PNKP: variants seen among roughly 807,000 people sequenced by gnomAD.
PNKP encodes the protein polynucleotide kinase 3'-phosphatase.
A neutral mutation model predicts 66.2 loss-of-function variants in PNKP; 82 were observed. That is an observed-to-expected ratio of 1.24 (90% CI 1.04 to 1.49). PNKP has a LOEUF of 1.49. Ranked by LOEUF, PNKP falls within the 40% of genes most tolerant of loss-of-function variation. The pLI, the probability that PNKP is intolerant of heterozygous loss-of-function variation, is 0.00. For missense variants in PNKP, 907 were observed against 706.8 expected (o/e 1.28, Z -3.21); for synonymous variants, 412 against 298.9 (o/e 1.38, Z -3.90).
rs756320620 is a variant in PNKP, at chr19:49,861,243, G to A, written c.*5C>T. 3 of 1,555,096 alleles carry A rather than the reference G, an allele frequency of 1.9e-6. No individual in the cohort carries two copies. Among genetic ancestry groups the A allele is most frequent in the Non-Finnish European group, 2.7e-6 (3 of 1,126,566 alleles). On this transcript the variant is annotated 3_prime_UTR_variant, in exon 17 of 17. Transcript: ENST00000322344. Reference sequence around the variant, plus strand: ...CGTTTATTGTGGAGGGGAGCTGGGCGGGGCTCAGCCCTCGGAGAACTGGCA... The same window carrying A: ...CGTTTATTGTGGAGGGGAGCTGGGCAGGGCTCAGCCCTCGGAGAACTGGCA...
rs551307620 is a variant in PNKP, at chr19:49,862,339, TCCCCACCCCCAC to T, written c.1029+20_1029+31del. 1.0e-5 allele frequency: 10 copies of T among 954,094 alleles called. No homozygotes were observed. Among genetic ancestry groups the T allele is most frequent in the Non-Finnish European group, 1.6e-5 (10 of 641,868 alleles). The allele number at this position is 954,094 out of a possible 1,614,324, so 59.1% of individuals were successfully genotyped here. A position where few individuals can be genotyped will look rare whatever the true frequency, so the allele number is the denominator to read the frequency against. On this transcript the variant is annotated intron_variant, in intron 11 of 16. Transcript: ENST00000322344. ...GTCCCCATCCCCGGGAGCCCTCCCA[TCCCCACCCCCAC>T]CCCCGCCCCAGGGCCTCACCGGATC...
chr19:49,865,434 A>C lies in PNKP; in HGVS notation c.199-8T>G. 1.3e-6 allele frequency: 2 copies of C among 1,592,782 alleles called. No homozygotes were observed. Among genetic ancestry groups the C allele is most frequent in the Non-Finnish European group, 1.7e-6 (2 of 1,168,848 alleles). ...TGAGGGGTTAACTCCCAGCTGCAGA[A>C]AGAGAGGGAGGAGCTGGGACTGGCT... On this transcript the variant is annotated splice_polypyrimidine_tract_variant and splice_region_variant and intron_variant, in intron 3 of 16. Transcript: ENST00000322344.
chr19:49,862,305 T>C, intron 11 of PNKP, 24 bp from the exon 12 acceptor site: 1 of 1,550,848 alleles, frequency 6.4e-7, no homozygotes, highest in Non-Finnish European at 8.7e-7. Context: ...GGGACACGCG[T>C]GAGATGCCGT....
At chr19:49,865,601 C>CTTT (rs749242089) in intron 3 of PNKP, 175 bp from the exon 4 acceptor site, 150 of 317,872 alleles carry the variant, frequency 4.7e-4, no homozygotes, top group Middle Eastern at 8.5e-4. Context: ...TTGTCCGAAT[C>CTTT]TTTTTTTTTT....
rs764379536 is a variant in PNKP at position 49,861,778 on chromosome 19, CGGCTCGCGGCGTCT to C, written c.1278_1291del (p.Asp427ArgfsTer62). On this transcript the variant is annotated frameshift_variant, in exon 14 of 17. Transcript: ENST00000322344. LOFTEE classifies it high-confidence loss of function. ...GGCCCCGCGGTCACGCTACCTGGCG[CGGCTCGCGGCGTCT>C]GGGTTTGTGTTGTCGATGGCGACCC... 3.2e-6 allele frequency: 5 copies of C among 1,562,458 alleles called. No individual in the cohort carries two copies. The highest frequency in any genetic ancestry group is 4.3e-6 in the Non-Finnish European group (5 of 1,156,236).
rs755267515 is a variant in PNKP, at chr19:49,862,479, G to T, written c.937-16C>A. ...TGAGGGCAAACTAGGGGTTGAGGAC[G>T]AACATCAGACACAGGCCAGGGTCGG... On this transcript the variant is annotated splice_polypyrimidine_tract_variant and intron_variant, in intron 10 of 16. Transcript: ENST00000322344. The T allele has an allele frequency of 6.3e-7, 1 of 1,594,288 alleles. No homozygotes were observed. Among genetic ancestry groups the T allele is most frequent in the Non-Finnish European group, 8.5e-7 (1 of 1,170,166 alleles).
In PNKP at chr19:49,863,998, T is replaced by C; in HGVS notation, c.710A>G (p.Glu237Gly). The C allele has an allele frequency of 6.2e-7, 1 of 1,613,998 alleles. No homozygotes were observed. Among genetic ancestry groups the C allele is most frequent in the Non-Finnish European group, 8.5e-7 (1 of 1,179,960 alleles). The change falls in exon 7 of 17, where the codon GAG becomes GGG. Residue 237 changes from glutamate (E) to glycine (G), a missense_variant. Coordinates refer to ENST00000322344, the MANE Select transcript of PNKP (RefSeq NM_007254.4). ...LPAEEFKAKV[E>G]AVVEKLGVPF... ...GACCCCCAGCTTCTCCACCACAGCC[T>C]CCACCTTGGCCTTGAACTCCTCGGC... is the stretch of plus-strand genomic sequence containing the variant.
rs1060504641 is a variant in PNKP at position 49,861,834 on chromosome 19, G to A, written c.1236C>T (p.Ala412=). Residue 412 remains alanine, a synonymous_variant, in exon 14 of 17, where the codon GCC becomes GCT. Transcript: ENST00000322344. ...TGGCGACCCGTTTCCCTTGCTTCAGGGCTGTCTCACACGTGGTCACACAGC... is the reference window on the plus strand; with the variant it reads ...TGGCGACCCGTTTCCCTTGCTTCAGAGCTGTCTCACACGTGGTCACACAGC... ...WQRCVTTCET[A]LKQGKRVAID... is the part of the protein sequence containing the mutation. 5 of 1,591,978 alleles carry A rather than the reference G, an allele frequency of 3.1e-6. No homozygotes were observed. The highest frequency in any genetic ancestry group is 2.3e-5 in the South Asian group (2 of 88,760).
At position 49,867,554 on chromosome 19, in the gene PNKP, T is replaced by A. The variant is rs1600424200; in HGVS notation, c.-99A>T. ...CCGCCTGCAACCCGGCCGGCGGCGG[T>A]CGGTTCCTCGGCGGACGGAAATGAC... On this transcript the variant is annotated 5_prime_UTR_variant, in exon 1 of 17. Transcript: ENST00000322344. 1 of 235,644 alleles carries A rather than the reference T, an allele frequency of 4.2e-6. No individual in the cohort carries two copies. Among genetic ancestry groups the A allele is most frequent in the Non-Finnish European group, 7.9e-6 (1 of 126,880 alleles). 14.6% of individuals were successfully genotyped at this position (235,644 alleles called of 1,614,324 possible). A position where few individuals can be genotyped will look rare whatever the true frequency, so the allele number is the denominator to read the frequency against.
At position 49,862,235 on chromosome 19, in the gene PNKP, GCC is replaced by G; in HGVS notation, c.1074_1075del (p.Arg358SerfsTer52). On this transcript the variant is annotated frameshift_variant, in exon 12 of 17. Transcript: ENST00000322344. LOFTEE classifies it high-confidence loss of function. Reference sequence around the variant, plus strand: ...CACCTCCGGGCTGGCGCTCAGGAGGGCCCTGGACTCGGGGAGGCAGAGAGGCC... The same window carrying G: ...CACCTCCGGGCTGGCGCTCAGGAGGGCTGGACTCGGGGAGGCAGAGAGGCC... 5 of 1,611,904 alleles carry G rather than the reference GCC, an allele frequency of 3.1e-6. No individual in the cohort carries two copies. Among genetic ancestry groups the G allele is most frequent in the Non-Finnish European group, 4.2e-6 (5 of 1,179,112 alleles).
rs771239062 is a variant in PNKP, at chr19:49,862,607, G to A, written c.867C>T (p.Asp289=). The stretch of plus-strand genomic sequence containing the variant: ...CCCAGTTGGCCGGGCGTCCGGCTGC[G>A]TCTGGAACACACGGGACACCCCGTT... ...ISIGDSIFVG[D]AAGRPANWAP... Residue 289 remains aspartate (D), a splice_region_variant and synonymous_variant, in exon 10 of 17, where the codon GAC becomes GAT. Transcript: ENST00000322344. 13 of 1,613,720 alleles carry A rather than the reference G, an allele frequency of 8.1e-6. No individual in the cohort carries two copies. The highest frequency in any genetic ancestry group is 3.3e-5 in the Admixed American group (2 of 60,002).
chr19:49,866,329 A>T lies in PNKP; in HGVS notation c.198+70T>A, dbSNP rs561015576. 4.3e-6 allele frequency: 6 copies of T among 1,406,914 alleles called. No homozygotes were observed. The Admixed American group carries it at 8.4e-5, about 20-fold the overall frequency. 87.2% of individuals were successfully genotyped at this position (1,406,914 alleles called of 1,614,324 possible). A position where few individuals can be genotyped will look rare whatever the true frequency, so the allele number is the denominator to read the frequency against. On this transcript the variant is annotated intron_variant, in intron 3 of 16. Transcript: ENST00000322344. ...TCAGATTTTCCTAATGTACCCCTTCACTGACGGCTTGCAATTCCTCCCCAA... is the reference window on the plus strand; with the variant it reads ...TCAGATTTTCCTAATGTACCCCTTCTCTGACGGCTTGCAATTCCTCCCCAA...
rs1028247558 is a variant in PNKP, at chr19:49,863,694, C to T, written c.811G>A (p.Glu271Lys). 7 of 1,554,244 alleles carry T rather than the reference C, an allele frequency of 4.5e-6. No homozygotes were observed. The Admixed American group carries it at 7.8e-5, about 17-fold the overall frequency. ...GGGCAGGCTGCAAGACTCACCTGCT[C>T]CTGCAGATGGTCCCACATGCCCGTC... ...PVTGMWDHLQ[E>K]QANDGTPISI... Residue 271 changes from glutamate (E) to lysine (K), a missense_variant, in exon 8 of 17, where the codon GAG (glutamate) becomes AAG (lysine). By Grantham distance (56) the Glu-to-Lys change is moderately conservative. Transcript: ENST00000322344.
At position 49,866,415 on chromosome 19, in the gene PNKP, G is replaced by C. The variant is rs1160870997; in HGVS notation, c.182C>G (p.Thr61Arg). 3 of 1,614,130 alleles carry C rather than the reference G, an allele frequency of 1.9e-6. No homozygotes were observed. Among genetic ancestry groups the C allele is most frequent in the Non-Finnish European group, 1.7e-6 (2 of 1,179,964 alleles). Residue 61 changes from threonine to arginine, a missense_variant, in exon 3 of 17, where the codon ACA becomes AGA. Transcript: ENST00000322344. Reference protein sequence around the residue: ...VELVADPETRTVAVKQLGVNP... With the variant: ...VELVADPETRRVAVKQLGVNP... Reference sequence around the variant, plus strand: ...CACTGATACCTGTTTCACTGCCACTGTCCGGGTCTCAGGATCTGCGACCAG... The same window carrying C: ...CACTGATACCTGTTTCACTGCCACTCTCCGGGTCTCAGGATCTGCGACCAG...
At position 49,866,433 on chromosome 19, in the gene PNKP, G is replaced by C; in HGVS notation, c.164C>G (p.Ala55Gly). The change falls in exon 3 of 17, where the codon GCA becomes GGA. Residue 55 changes from alanine (A) to glycine (G), a missense_variant. Ala to Gly is a moderately conservative substitution (Grantham distance 60). Coordinates refer to ENST00000322344, the MANE Select transcript of PNKP (RefSeq NM_007254.4). ...TGCCACTGTCCGGGTCTCAGGATCT[G>C]CGACCAGCTCCACTGAGGATTGGAG... ...KCSRTQVELV[A>G]DPETRTVAVK... 1 of 1,614,148 alleles carries C rather than the reference G, an allele frequency of 6.2e-7. No homozygotes were observed. Among genetic ancestry groups the C allele is most frequent in the Non-Finnish European group, 8.5e-7 (1 of 1,179,978 alleles).
In PNKP at chr19:49,867,114, G is replaced by T; in HGVS notation, c.91C>A (p.Leu31Met). ...GTCAGGGGTCCCCTGCCCAGGACCA[G>T]GGCTTGCCCGTCCGAGGGCAGGAAG... is the stretch of plus-strand genomic sequence containing the variant. ...PIFLPSDGQA[L>M]VLGRGPLTQV... The change falls in exon 2 of 17, where the codon CTG (leucine) becomes ATG (methionine). Residue 31 changes from leucine to methionine, a missense_variant. By Grantham distance (15) the Leu-to-Met change is conservative. Transcript: ENST00000322344. 6.2e-7 allele frequency: 1 copy of T among 1,613,560 alleles called. No homozygotes were observed. The highest frequency in any genetic ancestry group is 8.5e-7 in the Non-Finnish European group (1 of 1,179,958).
rs11555414 is a variant in PNKP, at chr19:49,865,218, G to A, written c.407C>T (p.Pro136Leu). The A allele has an allele frequency of 1.1e-5, 17 of 1,614,002 alleles. No homozygotes were observed. In the African/African-American group the frequency reaches 1.2e-4, roughly 11 times the overall value. ...SQDEKRDAEL[P>L]KKRMRKSNPG... Reference sequence around the variant, plus strand: ...GTTTGACTTCCGCATACGCTTCTTCGGCAGCTCAGCATCTCTCTTCTCATC... The same window carrying A: ...GTTTGACTTCCGCATACGCTTCTTCAGCAGCTCAGCATCTCTCTTCTCATC... Residue 136 changes from proline (P) to leucine (L), a missense_variant, in exon 4 of 17, where the codon CCG becomes CTG. Coordinates refer to ENST00000322344, the MANE Select transcript of PNKP (RefSeq NM_007254.4).
In PNKP at chr19:49,865,580, G is replaced by A. The variant is rs1434399484; in HGVS notation, c.199-154C>T. ...TGGAACGGGCTTTGGAACGGTTACA[G>A]GTTTTCAGCCTTGTCCGAATCTTTT... On this transcript the variant is annotated intron_variant, in intron 3 of 16. Coordinates refer to ENST00000322344, the MANE Select transcript of PNKP (RefSeq NM_007254.4). The A allele has an allele frequency of 1.3e-4, 79 of 590,994 alleles. 3 individuals are homozygous for A. In the South Asian group the frequency reaches 1.5e-3, roughly 12 times the overall value. 36.6% of individuals were successfully genotyped at this position (590,994 alleles called of 1,614,324 possible).
Position 49,863,748 on chromosome 19 carries a change from T to C in PNKP, c.757A>G (p.Thr253Ala). Residue 253 changes from threonine (T) to alanine (A), a missense_variant, in exon 8 of 17, where the codon ACG becomes GCG. Physicochemically the swap from Thr to Ala is moderately conservative, Grantham distance 58 (BLOSUM62 0). Coordinates refer to ENST00000322344, the MANE Select transcript of PNKP (RefSeq NM_007254.4). ...LGVPFQVLVATHAGLYRKPVT... is the reference protein window; with the variant it reads ...LGVPFQVLVAAHAGLYRKPVT... ...GGCTTCCGGTACAAGCCTGCGTGCG[T>C]GGCCACCAGCACCTGTGGATGGGAG... The C allele has an allele frequency of 6.4e-7, 1 of 1,559,782 alleles. No individual in the cohort carries two copies.
Sources: gnomAD v4.1 joint callset for allele counts on GRCh38, gnomAD v4.1.1 for gene constraint, MANE v1.5 for transcripts, NCBI Gene and HGNC (gene_info 2026-07-23, HGNC 2026-07-21) for gene names.